ANKRD31: variants seen among roughly 807,000 people sequenced by gnomAD.
The protein encoded by ANKRD31 is ankyrin repeat domain 31.
In ANKRD31, 147 loss-of-function variants were observed where a neutral mutation model predicts 186.0. The observed-to-expected ratio is 0.79, with a 90% confidence interval of 0.69 to 0.91. The LOEUF (loss-of-function observed/expected upper bound fraction) is 0.91. Among genes scored for constraint, ANKRD31 ranks in the 40% least tolerant of loss-of-function variants. ANKRD31 has a pLI of 0.00. For missense variants in ANKRD31, 1,986 were observed against 2,148.8 expected (o/e 0.92, Z 1.50); for synonymous variants, 673 against 736.4 (o/e 0.91, Z 1.39).
At chr5:75,226,674 C>T (rs1757646755) in intron 2 of ANKRD31, among the ~76,000 whole-genome samples, 1 of 152,142 alleles carries the variant, frequency 6.6e-6, no homozygotes, top group South Asian at 2.1e-4. Flanking sequence ...AGGTACTCAA[C>T]ATCATGGATC....
At chr5:75,190,414 A>G (rs1266512371) in intron 9 of ANKRD31, among the ~76,000 whole-genome samples, 1 of 152,156 alleles carries the variant, frequency 6.6e-6, no homozygotes, top group African/African-American at 2.4e-5. Context: ...TTTAATGATG[A>G]CCTCATTAAA....
intron 22 of ANKRD31, among the ~76,000 whole-genome samples, chr5:75,091,918 C>T (rs1433722691): frequency 6.6e-6 from 1 of 152,176 alleles, no homozygotes; most frequent in African/African-American, 2.4e-5. Context: ...GGATCCCAAT[C>T]ACCCTTGCCT....
Position 75,154,358 on chromosome 5 carries a change from T to TA in ANKRD31, c.1708-14dup, listed in dbSNP as rs1752024658. The TA allele has an allele frequency of 1.3e-6, 2 of 1,525,346 alleles. No individual in the cohort carries two copies. Among genetic ancestry groups the TA allele is most frequent in the Non-Finnish European group, 1.8e-6 (2 of 1,141,736 alleles). 94.5% of individuals were successfully genotyped at this position (1,525,346 alleles called of 1,614,324 possible). On this transcript the variant is annotated splice_polypyrimidine_tract_variant and intron_variant, in intron 11 of 25. Coordinates refer to ENST00000506364, the MANE Select transcript of ANKRD31 (RefSeq NM_001372053.1). Reference sequence around the variant, plus strand: ...GTAACTCTGCCACCTAGAAAAAGGTTATTTATGTAAGGGAACCCAGATTGA... The same window carrying TA: ...GTAACTCTGCCACCTAGAAAAAGGTTAATTTATGTAAGGGAACCCAGATTGA...
chr5:75,213,014 A>G (rs1352100711), intron 3 of ANKRD31, among the ~76,000 whole-genome samples: 1 of 152,052 alleles, frequency 6.6e-6, no homozygotes, highest in Non-Finnish European at 1.5e-5. Context: ...AAAAACACAA[A>G]TAAAGCAATG....
chr5:75,098,915 C>T (rs137883364), intron 22 of ANKRD31, among the ~76,000 whole-genome samples: 1 of 151,890 alleles, frequency 6.6e-6, no homozygotes. Flanking sequence ...AATTCAATAC[C>T]CTTTATTTCT....
chr5:75,224,464 A>C (rs974897525), intron 2 of ANKRD31, among the ~76,000 whole-genome samples: 11 of 152,008 alleles, frequency 7.2e-5, no homozygotes, highest in Non-Finnish European at 1.3e-4. Context: ...AGGTCAATGA[A>C]ACAAAACAAT....
intron 11 of ANKRD31, among the ~76,000 whole-genome samples, chr5:75,155,567 G>A (rs558465978): frequency 9.2e-5 from 14 of 152,028 alleles, no homozygotes; most frequent in Non-Finnish European, 2.1e-4. Flanking sequence ...AGTATCTTAC[G>A]TGAAGTAAAT....
intron 17 of ANKRD31, among the ~76,000 whole-genome samples, chr5:75,120,581 G>A (rs1398464307): frequency 6.6e-6 from 1 of 152,016 alleles, no homozygotes; most frequent in East Asian, 1.9e-4. Context: ...ATAAATTTAG[G>A]AGCAAATGGG....
Position 75,146,680 on chromosome 5 carries a change from T to G in ANKRD31, c.2731A>C (p.Lys911Gln). Residue 911 changes from lysine (K) to glutamine (Q), a missense_variant, in exon 14 of 26, where the codon AAG (lysine) becomes CAG (glutamine). Lys to Gln is a moderately conservative substitution (Grantham distance 53). Coordinates refer to ENST00000506364, the MANE Select transcript of ANKRD31 (RefSeq NM_001372053.1). ...DDDDDCSTSE[K>Q]AITSKKVLCS... ...AACACCTTTTTAGATGTTATAGCCT[T>G]CTCAGAGGTAGAGCAATCATCATCA... The G allele has an allele frequency of 6.5e-7, 1 of 1,536,256 alleles. No individual in the cohort carries two copies. Among genetic ancestry groups the G allele is most frequent in the Non-Finnish European group, 8.7e-7 (1 of 1,146,234 alleles).
At chr5:75,178,987 C>T (rs1432440742) in intron 10 of ANKRD31, among the ~76,000 whole-genome samples, 6 of 151,938 alleles carry the variant, frequency 3.9e-5, no homozygotes, top group African/African-American at 1.5e-4. Flanking sequence ...AGACCTCTGG[C>T]AAGACTAATA....
chr5:75,188,381 GCCT>G, intron 10 of ANKRD31, 109 bp downstream of exon 10: 5 of 1,020,392 alleles, frequency 4.9e-6, no homozygotes, highest in Non-Finnish European at 6.7e-6. Context: ...TGATCTGAAA[GCCT>G]TCTGTTTGGA....
chr5:75,219,426 A>G (rs1757155088), intron 3 of ANKRD31, among the ~76,000 whole-genome samples: 3 of 152,156 alleles, frequency 2.0e-5, no homozygotes, highest in Admixed American at 6.5e-5. Flanking sequence ...CAAACAAGCA[A>G]CAAACAAAAA....
chr5:75,143,504 C>G (rs1751203657), intron 15 of ANKRD31, among the ~76,000 whole-genome samples: 1 of 152,072 alleles, frequency 6.6e-6, no homozygotes, highest in South Asian at 2.1e-4. Flanking sequence ...AATCAACATT[C>G]AGTGAATAAT....
chr5:75,177,999 C>T (rs1387889828), intron 10 of ANKRD31, among the ~76,000 whole-genome samples: 4 of 152,034 alleles, frequency 2.6e-5, no homozygotes, highest in African/African-American at 9.7e-5. Context: ...ATCTCACGTG[C>T]AGAGACACAC....
At chr5:75,126,326 C>T (rs1749254404) in intron 17 of ANKRD31, among the ~76,000 whole-genome samples, 1 of 152,100 alleles carries the variant, frequency 6.6e-6, no homozygotes, top group Non-Finnish European at 1.5e-5. Context: ...CCTGTAATCC[C>T]AGCTACTTGG....
intron 1 of ANKRD31, 32 bp downstream of exon 1, chr5:75,236,551 G>A: frequency 1.3e-6 from 2 of 1,528,546 alleles, no homozygotes; most frequent in Non-Finnish European, 1.8e-6. Context: ...CTGGCGCGAG[G>A]GTTCAGGCAC....
chr5:75,135,294 A>G (rs1336380930), intron 17 of ANKRD31, among the ~76,000 whole-genome samples: 4 of 152,212 alleles, frequency 2.6e-5, no homozygotes, highest in Non-Finnish European at 5.9e-5. Context: ...AATCTCCTTA[A>G]GCTGATAAGC....
Position 75,093,933 on chromosome 5 carries a change from A to G in ANKRD31, c.5332-2532T>C, listed in dbSNP as rs539962010. ...CTTCAGGTTGAAAGCCAATGACCCT[A>G]TAGGCTAATATGAATCCACATGAAA... On this transcript the variant is annotated intron_variant, in intron 22 of 25. Transcript: ENST00000506364. Among the ~76,000 whole-genome samples the G allele has an allele frequency of 5.9e-5, 9 of 152,326 alleles. No individual in the cohort carries two copies. The South Asian group carries it at 1.9e-3, about 32-fold the overall frequency.
intron 17 of ANKRD31, among the ~76,000 whole-genome samples, chr5:75,133,725 C>A (rs878881328): frequency 6.6e-6 from 1 of 152,184 alleles, no homozygotes; most frequent in East Asian, 1.9e-4. Context: ...CTTTTCAGCA[C>A]CACACCACAC....
Sources: allele counts gnomAD v4.1 joint callset (sites outside exome capture counted in the v4.1 genomes callset), GRCh38; gene constraint gnomAD v4.1.1; transcripts MANE v1.5; gene names NCBI Gene and HGNC (gene_info 2026-07-23, HGNC 2026-07-21).